SEMA3D: variants seen among roughly 807,000 people sequenced by gnomAD.
SEMA3D encodes the protein semaphorin-3D.
SEMA3D carries 84 observed loss-of-function variants against 100.1 expected under a neutral mutation model. The observed-to-expected ratio is 0.84, with a 90% CI of 0.70 to 1.01. SEMA3D has a LOEUF of 1.01. SEMA3D is among the 50% of genes least tolerant of loss of function. The pLI, the probability that SEMA3D is intolerant of heterozygous loss-of-function variation, is 0.00. For synonymous variants in SEMA3D, 312 were observed against 320.7 expected, an observed-to-expected ratio of 0.97 and a Z score of 0.29; for missense variants, 875 against 934.1, an observed-to-expected ratio of 0.94 and a Z score of 0.82.
intron 3 of SEMA3D, 60 bp from the exon 4 acceptor site, chr7:85,098,025 G>T (rs1788620158): frequency 1.1e-6 from 1 of 873,564 alleles, no homozygotes; most frequent in Non-Finnish European, 1.6e-6. Context: ...GAAAGAGAAA[G>T]AAAGGAGAGA....
At chr7:85,181,976 T>G (rs1350295261) in intron 1 of SEMA3D, 1 of 153,226 alleles carries the variant, frequency 6.5e-6, no homozygotes. Flanking sequence ...TGTTTACCTA[T>G]GTATAAATGT....
In SEMA3D at chr7:85,070,559, T is replaced by C. The variant is rs938474249; in HGVS notation, c.496-2275A>G. On this transcript the variant is annotated intron_variant, in intron 6 of 18. Transcript: ENST00000284136. ...CTCCCTCTAGAAGTACAATGATTTC[T>C]TGGGACTAATGATTCATTAAAAAAG... is the stretch of plus-strand genomic sequence containing the variant. Among the ~76,000 whole-genome samples, 5 of 152,282 alleles carry C rather than the reference T, an allele frequency of 3.3e-5. No individual in the cohort carries two copies. In the South Asian group the frequency reaches 1.0e-3, roughly 32 times the overall value.
chr7:85,195,789 CAA>C, the SEMA3D span, among the ~76,000 whole-genome samples: 7 of 152,048 alleles, frequency 4.6e-5, no homozygotes, highest in African/African-American at 1.7e-4. Context: ...TGAAAACAAA[CAA>C]AGAGACTTTT....
chr7:85,038,726 G>C (rs1380451027), intron 11 of SEMA3D, among the ~76,000 whole-genome samples: 2 of 152,134 alleles, frequency 1.3e-5, no homozygotes, highest in Non-Finnish European at 2.9e-5. Flanking sequence ...TGAGATACTT[G>C]ACCAGAGGCA....
intron 9 of SEMA3D, among the ~76,000 whole-genome samples, chr7:85,043,133 G>A (rs1790909283): frequency 6.6e-6 from 1 of 152,094 alleles, no homozygotes; most frequent in Non-Finnish European, 1.5e-5. Flanking sequence ...TGAGGCAGGA[G>A]GATCAGCTGA....
chr7:85,147,960 G>A (rs961555969), intron 2 of SEMA3D, among the ~76,000 whole-genome samples: 10 of 151,974 alleles, frequency 6.6e-5, no homozygotes, highest in African/African-American at 2.4e-4. Flanking sequence ...ACTAGCTTTG[G>A]GTTTTATTCT....
At chr7:85,198,790 T>G in the SEMA3D span, among the ~76,000 whole-genome samples, 4 of 151,170 alleles carry the variant, frequency 2.6e-5, no homozygotes, top group African/African-American at 4.8e-5. Context: ...TTTTTAAAAT[T>G]TATTAACATT....
At chr7:85,135,649 G>A (rs1789841415) in intron 2 of SEMA3D, among the ~76,000 whole-genome samples, 1 of 139,254 alleles carries the variant, frequency 7.2e-6, no homozygotes, top group Non-Finnish European at 1.6e-5. Context: ...AGAACTTTAA[G>A]TATAATAAAA....
At chr7:85,225,142 T>A in the SEMA3D span, among the ~76,000 whole-genome samples, 1 of 134,950 alleles carries the variant, frequency 7.4e-6, no homozygotes, top group Admixed American at 7.9e-5. Flanking sequence ...AATATATATA[T>A]AAAATACATA....
chr7:85,244,043 T>C, the SEMA3D span, among the ~76,000 whole-genome samples: 6 of 152,220 alleles, frequency 3.9e-5, no homozygotes, highest in Non-Finnish European at 8.8e-5. Flanking sequence ...AGTATTGTTA[T>C]AAGAGAATAC....
intron 10 of SEMA3D, chr7:85,041,067 T>C (rs1790848452): frequency 1.1e-5 from 2 of 178,540 alleles, no homozygotes; most frequent in South Asian, 2.3e-4. Context: ...TTTGCCTTTT[T>C]TTTTTTTTTT....
Position 85,018,415 on chromosome 7 carries a change from G to A in SEMA3D, c.1504-122C>T, listed in dbSNP as rs558187974. ...AAACATCAAGTCTCTGTTACATAAG[G>A]AAATAAAGTTCTTATTGTTTGCTAT... On this transcript the variant is annotated intron_variant, in intron 14 of 18. Transcript: ENST00000284136. 7.7e-6 allele frequency: 5 copies of A among 649,312 alleles called. No homozygotes were observed. In the Admixed American group the frequency reaches 1.4e-4, roughly 18 times the overall value. 40.2% of individuals were successfully genotyped at this position (649,312 alleles called of 1,614,324 possible).
At chr7:85,101,810 A>T (rs759939413) in intron 3 of SEMA3D, among the ~76,000 whole-genome samples, 7 of 152,034 alleles carry the variant, frequency 4.6e-5, no homozygotes, top group Non-Finnish European at 8.8e-5. Flanking sequence ...AAAAGTCAAT[A>T]AATATTGTTT....
At chr7:85,089,496 A>G (rs1437032455) in intron 4 of SEMA3D, among the ~76,000 whole-genome samples, 1 of 152,166 alleles carries the variant, frequency 6.6e-6, no homozygotes, top group Non-Finnish European at 1.5e-5. Context: ...AATTGAAGAC[A>G]CTATGAGCAT....
the SEMA3D span, among the ~76,000 whole-genome samples, chr7:85,192,585 C>T: frequency 1.4e-4 from 21 of 152,112 alleles, no homozygotes; most frequent in Admixed American, 9.2e-4. Flanking sequence ...AATTTAACGT[C>T]GGAGCTACTG....
intron 4 of SEMA3D, among the ~76,000 whole-genome samples, chr7:85,084,375 G>A (rs992370241): frequency 6.6e-6 from 1 of 152,090 alleles, no homozygotes; most frequent in Non-Finnish European, 1.5e-5. Flanking sequence ...CCAATCTCTA[G>A]AACTTTTTCA....
chr7:85,016,827 C>G (rs1371188627), intron 15 of SEMA3D, among the ~76,000 whole-genome samples: 1 of 148,612 alleles, frequency 6.7e-6, no homozygotes, highest in Non-Finnish European at 1.5e-5. Flanking sequence ...ACTATGTTGC[C>G]CAGACTGGAC....
At chr7:85,162,619 T>C (rs1790776596) in intron 1 of SEMA3D, among the ~76,000 whole-genome samples, 2 of 152,036 alleles carry the variant, frequency 1.3e-5, no homozygotes, top group African/African-American at 4.8e-5. Flanking sequence ...AAGGACACTC[T>C]AAAGATGCAG....
At chr7:85,106,070 C>T (rs1788910237) in intron 3 of SEMA3D, among the ~76,000 whole-genome samples, 1 of 152,004 alleles carries the variant, frequency 6.6e-6, no homozygotes, top group Admixed American at 6.6e-5. Context: ...AAAAGCTTTG[C>T]TGGGATCTTT....
Sources: gnomAD v4.1 joint callset for allele counts (sites outside exome capture counted in the v4.1 genomes callset) on GRCh38, gnomAD v4.1.1 for gene constraint, MANE v1.5 for transcripts, NCBI Gene and HGNC (gene_info 2026-07-23, HGNC 2026-07-21) for gene names.